PREX2: variants seen among roughly 807,000 people sequenced by gnomAD.
PREX2 encodes the protein phosphatidylinositol 3,4,5-trisphosphate-dependent Rac exchanger 2 protein.
A neutral mutation model predicts 203.2 loss-of-function variants in PREX2; 107 were observed. That is an observed-to-expected ratio of 0.53 (90% CI 0.45 to 0.62). The LOEUF is 0.62. PREX2 is among the 20% of genes least tolerant of loss of function. The pLI, the probability that PREX2 is intolerant of heterozygous loss-of-function variation, is 0.00. For missense variants in PREX2, 1,777 were observed against 1,955.9 expected (o/e 0.91, Z 1.72); for synonymous variants, 672 against 663.6 (o/e 1.01, Z -0.19).
intron 2 of PREX2, 107 bp from the exon 3 acceptor site, chr8:68,019,442 A>ACT (rs1807499109): frequency 1.3e-6 from 1 of 797,886 alleles, no homozygotes; most frequent in Non-Finnish European, 1.8e-6. Flanking sequence ...AGGTGGGAGG[A>ACT]AGGCATGGAT....
chr8:67,980,246 G>A (rs1806227871), intron 1 of PREX2, among the ~76,000 whole-genome samples: 1 of 152,088 alleles, frequency 6.6e-6, no homozygotes, highest in Non-Finnish European at 1.5e-5. Flanking sequence ...GGATGAAGTA[G>A]GTTACCATTT....
chr8:68,139,109 T>G (rs1585822587), intron 33 of PREX2, among the ~76,000 whole-genome samples: 1 of 152,274 alleles, frequency 6.6e-6, no homozygotes, highest in East Asian at 1.9e-4. Context: ...CTTATGGGGC[T>G]TAAGTTAAGG....
At chr8:67,999,085 C>G (rs1325140775) in intron 1 of PREX2, among the ~76,000 whole-genome samples, 2 of 152,068 alleles carry the variant, frequency 1.3e-5, no homozygotes, top group Non-Finnish European at 2.9e-5. Flanking sequence ...CTGGGTAAAG[C>G]TTTTAAAAAT....
Position 68,134,210 on chromosome 8 carries a change from G to A in PREX2, c.3918G>A (p.Arg1306=), listed in dbSNP as rs775992013. 3.1e-6 allele frequency: 5 copies of A among 1,614,146 alleles called. No individual in the cohort carries two copies. In the South Asian group the frequency reaches 5.5e-5, roughly 18 times the overall value. The stretch of plus-strand genomic sequence containing the variant: ...TGGAAACTTGGGAAGCCAGCAGGAG[G>A]TGGCTGGACCAGATAGCGAATGCAG... ...NEMETWEASR[R]WLDQIANAGV... The change falls in exon 32 of 40, where the codon AGG becomes AGA. Residue 1306 remains arginine (R), a synonymous_variant. Coordinates refer to ENST00000288368, the MANE Select transcript of PREX2 (RefSeq NM_024870.4).
rs1813225803 is a variant in PREX2 at position 68,234,302 on chromosome 8, C to T, written c.*2924C>T. 6.6e-6 allele frequency: 1 copy of T among 152,040 alleles called. No homozygotes were observed. Among genetic ancestry groups the T allele is most frequent in the African/African-American group, 2.4e-5 (1 of 41,382 alleles). 9.4% of individuals were successfully genotyped at this position (152,040 alleles called of 1,614,324 possible). A position where few individuals can be genotyped will look rare whatever the true frequency, so the allele number is the denominator to read the frequency against. On this transcript the variant is annotated 3_prime_UTR_variant, in exon 40 of 40. Coordinates refer to ENST00000288368, the MANE Select transcript of PREX2 (RefSeq NM_024870.4). ...ACATGCTCCTCTATAACCAGTGCAC[C>T]TTCAAATACTGCTAAAACCTGCTAA...
In PREX2 at chr8:68,121,036, G is replaced by A; in HGVS notation, c.3711G>A (p.Arg1237=). Residue 1237 remains arginine (R), a synonymous_variant, in exon 30 of 40, where the codon AGG becomes AGA. Coordinates refer to ENST00000288368, the MANE Select transcript of PREX2 (RefSeq NM_024870.4). The part of the protein sequence containing the change: ...SSVRTLAQNI[R]KFVEEVKCRL... The stretch of plus-strand genomic sequence containing the variant: ...TCCGGACTCTTGCTCAGAACATCAG[G>A]AAATTTGTTGAAGGTCAGCATGAAA... 6.2e-7 allele frequency: 1 copy of A among 1,613,068 alleles called. No homozygotes were observed. The highest frequency in any genetic ancestry group is 8.5e-7 in the Non-Finnish European group (1 of 1,179,562).
chr8:68,126,865 G>C (rs1039955032), intron 30 of PREX2, among the ~76,000 whole-genome samples: 2 of 151,944 alleles, frequency 1.3e-5, no homozygotes, highest in Middle Eastern at 3.4e-3. Context: ...ACACGTATGT[G>C]TGTGTGTATA....
chr8:68,096,959 T>G, intron 21 of PREX2, 58 bp from the exon 22 acceptor site: 1 of 1,399,158 alleles, frequency 7.1e-7, no homozygotes. Context: ...ACAAAATTAT[T>G]TGAGGAGATT....
At chr8:68,006,930 T>G (rs1807114622) in intron 1 of PREX2, among the ~76,000 whole-genome samples, 1 of 152,232 alleles carries the variant, frequency 6.6e-6, no homozygotes, top group African/African-American at 2.4e-5. Context: ...TATATTTTTT[T>G]GATGGTTAAT....
At chr8:68,056,240 G>T (rs950712036) in intron 10 of PREX2, among the ~76,000 whole-genome samples, 2 of 152,066 alleles carry the variant, frequency 1.3e-5, no homozygotes, top group African/African-American at 2.4e-5. Context: ...GTGAGGTTGG[G>T]GCCAGGCAGG....
intron 37 of PREX2, among the ~76,000 whole-genome samples, chr8:68,203,655 T>C (rs757947055): frequency 3.9e-5 from 6 of 152,016 alleles, no homozygotes; most frequent in African/African-American, 7.3e-5. Context: ...ACTATAGAAG[T>C]TGAGAAAAGA....
intron 32 of PREX2, 108 bp downstream of exon 32, chr8:68,134,384 T>C (rs559761017): frequency 4.7e-6 from 4 of 852,956 alleles, no homozygotes; most frequent in East Asian, 2.5e-5. Flanking sequence ...TCTCTATGAA[T>C]GTGCGTGCAT....
chr8:68,106,378 T>C (rs747472665), intron 23 of PREX2: 2 of 490,938 alleles, frequency 4.1e-6, no homozygotes, highest in South Asian at 3.1e-5. Context: ...ATGGGATAGG[T>C]CAGGATTTCT....
At position 68,135,099 on chromosome 8, in the gene PREX2, T is replaced by TTG. The variant is rs9298129; in HGVS notation, c.3984+848_3984+849dup. On this transcript the variant is annotated intron_variant, in intron 32 of 39. Transcript: ENST00000288368. The stretch of plus-strand genomic sequence containing the variant: ...ACATGTTTGAGCTTAAAAACAAATT[T>TTG]TGTGTGTGTGTGTGTGTGTGTGTGT... Among the ~76,000 whole-genome samples the TTG allele has an allele frequency of 1.9e-3, 289 of 148,896 alleles. 1 individual carries two copies. Among genetic ancestry groups the TTG allele is most frequent in the South Asian group, 7.2e-3 (33 of 4,614 alleles).
intron 1 of PREX2, among the ~76,000 whole-genome samples, chr8:68,002,283 G>A (rs1473550260): frequency 6.6e-6 from 1 of 151,962 alleles, no homozygotes. Flanking sequence ...GAGTAGCTGG[G>A]ATTATAGGTG....
intron 9 of PREX2, among the ~76,000 whole-genome samples, chr8:68,054,387 C>A (rs1225269433): frequency 3.2e-5 from 3 of 94,146 alleles, no homozygotes; most frequent in African/African-American, 2.4e-4. Context: ...AAAATAAAAA[C>A]CCCCAAACGA....
intron 37 of PREX2, among the ~76,000 whole-genome samples, chr8:68,206,524 G>A (rs111904250): frequency 9.8e-4 from 149 of 152,260 alleles, no homozygotes; most frequent in African/African-American, 3.5e-3. Flanking sequence ...TACCTCTTCT[G>A]ATCTGTAAGA....
At chr8:68,080,100 G>A (rs1449989111) in intron 15 of PREX2, among the ~76,000 whole-genome samples, 1 of 152,094 alleles carries the variant, frequency 6.6e-6, no homozygotes, top group African/African-American at 2.4e-5. Context: ...ATGTTTTGGA[G>A]GCACGCATTT....
At chr8:67,997,977 A>T (rs1806817620) in intron 1 of PREX2, among the ~76,000 whole-genome samples, 1 of 152,110 alleles carries the variant, frequency 6.6e-6, no homozygotes, top group Admixed American at 6.6e-5. Context: ...TTTACCTTCT[A>T]TTCATTTGTT....
Sources: allele counts gnomAD v4.1 joint callset (sites outside exome capture counted in the v4.1 genomes callset), GRCh38; gene constraint gnomAD v4.1.1; transcripts MANE v1.5; gene names NCBI Gene and HGNC (gene_info 2026-07-23, HGNC 2026-07-21).